The following DLGAP4 variants were observed in gnomAD, a reference collection of about 807,000 sequenced individuals.
DLGAP4 encodes the protein disks large-associated protein 4.
DLGAP4 carries 18 observed loss-of-function variants against 86.9 expected under a neutral mutation model. The observed-to-expected ratio is 0.21, with a 90% CI of 0.14 to 0.31. The LOEUF is 0.31. Ranked by LOEUF, DLGAP4 falls within the 10% of genes least tolerant of loss-of-function variation. The pLI is 1.00. For synonymous variants in DLGAP4, 548 were observed against 574.3 expected, an observed-to-expected ratio of 0.95 and a Z score of 0.65; for missense variants, 1,085 against 1,362.6, an observed-to-expected ratio of 0.80 and a Z score of 3.21.
At chr20:36,497,677 A>G (rs1227378814) in intron 8 of DLGAP4, 2 of 980,960 alleles carry the variant, frequency 2.0e-6, no homozygotes. Context: ...TCCATGGGAT[A>G]GGGTCCAGGC....
At chr20:36,355,162 T>C (rs1315297002) in intron 1 of DLGAP4, among the ~76,000 whole-genome samples, 2 of 152,198 alleles carry the variant, frequency 1.3e-5, no homozygotes, top group African/African-American at 4.8e-5. Flanking sequence ...AGGCAACCAC[T>C]GATCTGCTTT....
intron 7 of DLGAP4, among the ~76,000 whole-genome samples, chr20:36,479,976 A>G (rs2035113306): frequency 6.6e-6 from 1 of 152,076 alleles, no homozygotes; most frequent in Non-Finnish European, 1.5e-5. Context: ...TCCTCAGGCA[A>G]TTGTAATGAC....
At position 36,436,129 on chromosome 20, in the gene DLGAP4, G is replaced by A. The variant is rs1021171451; in HGVS notation, c.1020G>A (p.Glu340=). 6 of 1,580,726 alleles carry A rather than the reference G, an allele frequency of 3.8e-6. No individual in the cohort carries two copies. The highest frequency in any genetic ancestry group is 5.1e-6 in the Non-Finnish European group (6 of 1,169,586). ...HYLQVPGGGG[E]WSTTLLSPRE... ...CCCAGGTGCCCGGCGGCGGCGGCGAGTGGAGCACCACGCTGCTGTCCCCAC... is the reference window on the plus strand; with the variant it reads ...CCCAGGTGCCCGGCGGCGGCGGCGAATGGAGCACCACGCTGCTGTCCCCAC... The change falls in exon 4 of 13, where the codon GAG becomes GAA. Residue 340 remains glutamate, a synonymous_variant. Transcript: ENST00000339266.
intron 10 of DLGAP4, among the ~76,000 whole-genome samples, chr20:36,510,663 G>A (rs939083735): frequency 2.0e-5 from 3 of 151,950 alleles, no homozygotes; most frequent in Admixed American, 6.6e-5. Context: ...CGCCTGCCTC[G>A]GCCTCCCAAA....
intron 2 of DLGAP4, among the ~76,000 whole-genome samples, chr20:36,427,484 G>A (rs980976255): frequency 1.4e-5 from 2 of 138,966 alleles, no homozygotes; most frequent in African/African-American, 5.2e-5. Flanking sequence ...TCAAAAGAAA[G>A]AAGTGGGAGG....
chr20:36,415,497 A>G (rs1292595531), intron 2 of DLGAP4, among the ~76,000 whole-genome samples: 2 of 152,132 alleles, frequency 1.3e-5, no homozygotes, highest in Non-Finnish European at 2.9e-5. Context: ...CTCCTTGTGT[A>G]GGTGGGACTC....
rs2036108859 is a variant in DLGAP4, at chr20:36,500,709, T to A, written c.2512+98T>A. On this transcript the variant is annotated intron_variant, in intron 10 of 12. Coordinates refer to ENST00000339266, the MANE Select transcript of DLGAP4 (RefSeq NM_001365621.2). The surrounding 1 kb of genome is among the most constrained non-coding windows in gnomAD (Gnocchi z 4.6). ...GCTTCCGAACTTCTGAGTGGGGGTC[T>A]CTTAGGTTCTCTTCTTGGGCTAGTT... 2 of 1,172,020 alleles carry A rather than the reference T, an allele frequency of 1.7e-6. No individual in the cohort carries two copies. Among genetic ancestry groups the A allele is most frequent in the Admixed American group, 3.4e-5 (1 of 29,334 alleles). 72.6% of individuals were successfully genotyped at this position (1,172,020 alleles called of 1,614,324 possible).
At chr20:36,451,946 G>C (rs1169060329) in intron 7 of DLGAP4, among the ~76,000 whole-genome samples, 1 of 151,558 alleles carries the variant, frequency 6.6e-6, no homozygotes, top group Non-Finnish European at 1.5e-5. Flanking sequence ...TTTTAGTAGA[G>C]ACAGGGTTTC....
intron 1 of DLGAP4, among the ~76,000 whole-genome samples, chr20:36,326,415 A>G (rs1453964904): frequency 2.0e-5 from 3 of 152,220 alleles, no homozygotes; most frequent in African/African-American, 7.2e-5. Context: ...CTTACAATCT[A>G]CACTTTAAAC....
intron 12 of DLGAP4, 25 bp from the exon 13 acceptor site, chr20:36,526,788 T>G (rs1213318386): frequency 1.9e-6 from 3 of 1,550,058 alleles, no homozygotes; most frequent in Non-Finnish European, 2.6e-6. Flanking sequence ...TTTATTTTTG[T>G]TCTCTCCTCA....
At chr20:36,423,003 C>G (rs1349966480) in intron 2 of DLGAP4, among the ~76,000 whole-genome samples, 1 of 152,104 alleles carries the variant, frequency 6.6e-6, no homozygotes, top group Non-Finnish European at 1.5e-5. Flanking sequence ...GGCCTGTCAC[C>G]CACTGGGCCA....
At chr20:36,523,291 G>A (rs912526248) in intron 10 of DLGAP4, among the ~76,000 whole-genome samples, 4 of 152,006 alleles carry the variant, frequency 2.6e-5, no homozygotes, top group African/African-American at 4.8e-5. Flanking sequence ...CACTATGCCC[G>A]GCTGATGCCA....
rs182466383 is a variant in DLGAP4 at position 36,320,123 on chromosome 20, C to G, written c.-304+13611C>G. Among the ~76,000 whole-genome samples, 1,364 of 137,754 alleles carry G rather than the reference C, an allele frequency of 9.9e-3. 6 individuals carry two copies. Among genetic ancestry groups the G allele is most frequent in the Admixed American group, 0.019 (268 of 14,132 alleles). 90.4% of individuals were successfully genotyped at this position (137,754 alleles called of 152,430 possible). On this transcript the variant is annotated intron_variant, in intron 1 of 12. Transcript: ENST00000339266. ...TCTGTGTCGCATTCCCCTAGGCCCC[C>G]CTCTGTGTCTTCCTCTCCCAGGCCC...
At chr20:36,490,403 A>G (rs2147742170) in intron 7 of DLGAP4, among the ~76,000 whole-genome samples, 1 of 152,334 alleles carries the variant, frequency 6.6e-6, no homozygotes, top group African/African-American at 2.4e-5. Flanking sequence ...TTATCATAGC[A>G]TACAGATGAG....
At chr20:36,482,390 C>A (rs1431431593) in intron 7 of DLGAP4, among the ~76,000 whole-genome samples, 3 of 152,162 alleles carry the variant, frequency 2.0e-5, no homozygotes, top group Non-Finnish European at 4.4e-5. Context: ...CCATTGACAT[C>A]AGCCCTCCAG....
chr20:36,444,245 A>G (rs2033531265), intron 6 of DLGAP4, among the ~76,000 whole-genome samples: 1 of 152,186 alleles, frequency 6.6e-6, no homozygotes, highest in African/African-American at 2.4e-5. Flanking sequence ...TCTATAATTC[A>G]CACTGCCCAA....
At chr20:36,341,013 C>T (rs1229673441) in intron 1 of DLGAP4, among the ~76,000 whole-genome samples, 1 of 152,232 alleles carries the variant, frequency 6.6e-6, no homozygotes, top group East Asian at 1.9e-4. Flanking sequence ...GGGCCTGCTC[C>T]AGGCGGTAGC....
chr20:36,312,890 G>T (rs978225429), intron 1 of DLGAP4, among the ~76,000 whole-genome samples: 1,759 of 152,206 alleles, frequency 0.012, 13 homozygotes, highest in Middle Eastern at 0.037. Context: ...GTATCTGGGG[G>T]TTTGTAGTAA....
chr20:36,485,632 T>C (rs1354923129), intron 7 of DLGAP4, among the ~76,000 whole-genome samples: 1 of 152,174 alleles, frequency 6.6e-6, no homozygotes, highest in East Asian at 1.9e-4. Flanking sequence ...CCTGGCAGCC[T>C]GGCCTTGCAG....
Sources: allele counts gnomAD v4.1 joint callset (sites outside exome capture counted in the v4.1 genomes callset), GRCh38; gene constraint gnomAD v4.1.1; non-coding constraint Gnocchi (gnomAD v3.1); transcripts MANE v1.5; gene names NCBI Gene and HGNC (gene_info 2026-07-23, HGNC 2026-07-21).